The following ATP11A variants were observed in gnomAD, a reference collection of about 807,000 sequenced individuals.
ATP11A encodes ATPase phospholipid transporting 11A, also known as phospholipid-transporting ATPase IH.
In ATP11A, 81 loss-of-function variants were observed where a neutral mutation model predicts 154.4. That is an observed-to-expected ratio of 0.52 (90% CI 0.44 to 0.63). The LOEUF (loss-of-function observed/expected upper bound fraction) is 0.63, where lower values mean the gene tolerates loss of function less well. ATP11A is among the 30% of genes least tolerant of loss of function. The pLI, the probability that ATP11A is intolerant of heterozygous loss-of-function variation, is 0.00. For synonymous variants in ATP11A, 623 were observed against 585.9 expected, an observed-to-expected ratio of 1.06 and a Z score of -0.91; for missense variants, 1,316 against 1,474.3, an observed-to-expected ratio of 0.89 and a Z score of 1.76.
intron 2 of ATP11A, among the ~76,000 whole-genome samples, chr13:112,801,673 A>AC (rs2078136603): frequency 2.0e-5 from 3 of 152,224 alleles, no homozygotes; most frequent in Admixed American, 2.0e-4. Context: ...TGAAAACAAC[A>AC]CTATTTACAT....
intron 1 of ATP11A, among the ~76,000 whole-genome samples, chr13:112,741,428 T>C (rs749231330): frequency 1.2e-4 from 19 of 152,134 alleles, no homozygotes; most frequent in Non-Finnish European, 2.4e-4. Context: ...GCCCGGTCCC[T>C]GCGGGGCTGT....
chr13:112,711,644 T>G (rs1887766940), intron 1 of ATP11A, among the ~76,000 whole-genome samples: 1 of 152,054 alleles, frequency 6.6e-6, no homozygotes, highest in Non-Finnish European at 1.5e-5. Flanking sequence ...GCGGGCACCG[T>G]GCGTTGAGCC....
chr13:112,763,251 A>G (rs1431944394), intron 1 of ATP11A, among the ~76,000 whole-genome samples: 1 of 152,200 alleles, frequency 6.6e-6, no homozygotes, highest in Non-Finnish European at 1.5e-5. Context: ...CATCTTGGCC[A>G]AGGGGACCCC....
At chr13:112,837,982 G>T (rs192933623) in intron 16 of ATP11A, among the ~76,000 whole-genome samples, 1 of 152,114 alleles carries the variant, frequency 6.6e-6, no homozygotes, top group African/African-American at 2.4e-5. Flanking sequence ...CAGTCCCACT[G>T]TGTCACACAG....
At chr13:112,721,702 G>T (rs1401212213) in intron 1 of ATP11A, among the ~76,000 whole-genome samples, 10 of 152,234 alleles carry the variant, frequency 6.6e-5, no homozygotes, top group Admixed American at 5.9e-4. Flanking sequence ...TCCACGGCTG[G>T]GCTTCCCGGG....
intron 13 of ATP11A, 53 bp downstream of exon 13, chr13:112,831,601 C>T (rs1594821784): frequency 3.2e-6 from 5 of 1,578,872 alleles, no homozygotes; most frequent in East Asian, 4.5e-5. Flanking sequence ...GGCGGCTGTG[C>T]ATGCTGAGTC....
intron 1 of ATP11A, among the ~76,000 whole-genome samples, chr13:112,729,813 C>T (rs1008055920): frequency 6.6e-6 from 1 of 152,120 alleles, no homozygotes; most frequent in Admixed American, 6.5e-5. Context: ...GGGAACTCTT[C>T]GAGGAAAAAA....
chr13:112,862,411 C>T lies in ATP11A; in HGVS notation c.2856-29C>T, dbSNP rs745905310. The stretch of plus-strand genomic sequence containing the variant: ...GGTGCCGGGCCCTGATTCTCGAGGA[C>T]ACACGCTGTGCACCTTTCTCCTCAC... On this transcript the variant is annotated intron_variant, in intron 24 of 29. Coordinates refer to ENST00000375645, the MANE Select transcript of ATP11A (RefSeq NM_015205.3). 12 of 1,612,074 alleles carry T rather than the reference C, an allele frequency of 7.4e-6. No individual in the cohort carries two copies. In the Admixed American group the frequency reaches 2.0e-4, roughly 27 times the overall value.
rs1189455521 is a variant in ATP11A, at chr13:112,883,036, G to A, written c.*1170G>A. 18 of 336,684 alleles carry A rather than the reference G, an allele frequency of 5.3e-5. No individual in the cohort carries two copies. The highest frequency in any genetic ancestry group is 1.2e-4 in the East Asian group (3 of 26,006). The allele number at this position is 336,684 out of a possible 1,614,324, so 20.9% of individuals were successfully genotyped here. A position where few individuals can be genotyped will look rare whatever the true frequency, so the allele number is the denominator to read the frequency against. Reference sequence around the variant, plus strand: ...TCCCATCCCCACGTCCCCTCATCCCGTCACCTCGTCCCCACATCCCCTTGC... The same window carrying A: ...TCCCATCCCCACGTCCCCTCATCCCATCACCTCGTCCCCACATCCCCTTGC... On this transcript the variant is annotated 3_prime_UTR_variant, in exon 30 of 30. Transcript: ENST00000375645.
Position 112,835,629 on chromosome 13 carries a change from C to T in ATP11A, c.1632-549C>T, listed in dbSNP as rs189921101. Reference sequence around the variant, plus strand: ...GCTGGCACTGCGGCCAGAGCCCCTCCGCAGCTTCCCACTGAGTCCAAGGCC... The same window carrying T: ...GCTGGCACTGCGGCCAGAGCCCCTCTGCAGCTTCCCACTGAGTCCAAGGCC... On this transcript the variant is annotated intron_variant, in intron 15 of 29. Transcript: ENST00000375645. 4.2e-3 allele frequency among the ~76,000 whole-genome samples: 633 copies of T among 152,346 alleles called. 5 individuals are homozygous for T. Among genetic ancestry groups the T allele is most frequent in the African/African-American group, 0.015 (609 of 41,586 alleles).
chr13:112,828,689 T>G (rs1239823367), intron 12 of ATP11A, among the ~76,000 whole-genome samples: 3 of 152,196 alleles, frequency 2.0e-5, no homozygotes, highest in Admixed American at 2.0e-4. Context: ...AAACAGAATT[T>G]AATTTCTGTT....
chr13:112,806,331 C>A, intron 4 of ATP11A, 38 bp downstream of exon 4: 1 of 1,494,826 alleles, frequency 6.7e-7, no homozygotes, highest in Non-Finnish European at 9.3e-7. Context: ...CAATCGTCAT[C>A]TTCACCATGT....
At chr13:112,715,567 C>CCA (rs2139597943) in intron 1 of ATP11A, among the ~76,000 whole-genome samples, 2 of 87,706 alleles carry the variant, frequency 2.3e-5, no homozygotes, top group East Asian at 4.1e-4. Context: ...CTGATCCTCC[C>CCA]CACCTGGCTG....
At chr13:112,763,306 C>A (rs961813176) in intron 1 of ATP11A, among the ~76,000 whole-genome samples, 6 of 152,136 alleles carry the variant, frequency 3.9e-5, no homozygotes, top group Non-Finnish European at 8.8e-5. Context: ...GGAAGAGGGG[C>A]TCGGACAGGC....
intron 15 of ATP11A, among the ~76,000 whole-genome samples, chr13:112,835,075 T>C (rs890033665): frequency 6.6e-6 from 1 of 152,280 alleles, no homozygotes; most frequent in Non-Finnish European, 1.5e-5. Flanking sequence ...GAACCCTGGC[T>C]CACGTGCTGG....
chr13:112,738,189 A>T (rs1304322884), intron 1 of ATP11A, among the ~76,000 whole-genome samples: 1 of 152,134 alleles, frequency 6.6e-6, no homozygotes, highest in African/African-American at 2.4e-5. Flanking sequence ...CTGGCCAAAC[A>T]TGGTGAAACC....
chr13:112,847,130 G>A (rs2079632978), intron 17 of ATP11A, among the ~76,000 whole-genome samples: 1 of 152,162 alleles, frequency 6.6e-6, no homozygotes, highest in Admixed American at 6.5e-5. Flanking sequence ...CCCGAGCCTC[G>A]GCCTGGAAGC....
intron 1 of ATP11A, among the ~76,000 whole-genome samples, chr13:112,724,424 G>A (rs1039101335): frequency 1.3e-5 from 2 of 152,074 alleles, no homozygotes; most frequent in Non-Finnish European, 2.9e-5. Context: ...AAGACAAGGG[G>A]CTTATGATGG....
chr13:112,852,792 G>T (rs185166316), intron 18 of ATP11A, among the ~76,000 whole-genome samples: 3,247 of 147,106 alleles, frequency 0.022, 184 homozygotes, highest in East Asian at 0.07. Context: ...TGGCGGGGGG[G>T]GATCTCAGTG....
Sources: allele counts gnomAD v4.1 joint callset (sites outside exome capture counted in the v4.1 genomes callset), GRCh38; gene constraint gnomAD v4.1.1; transcripts MANE v1.5; gene names NCBI Gene and HGNC (gene_info 2026-07-23, HGNC 2026-07-21).